Variants in DPP6 observed in about 807,000 individuals in gnomAD.
DPP6 encodes dipeptidyl peptidase like 6, also known as A-type potassium channel modulatory protein DPP6.
DPP6 carries 69 observed loss-of-function variants against 122.6 expected under a neutral mutation model. The ratio of observed to expected loss-of-function variants is 0.56; its 90% confidence interval spans 0.46 to 0.69. The LOEUF (loss-of-function observed/expected upper bound fraction) is 0.69. Among genes scored for constraint, DPP6 ranks in the 30% least tolerant of loss-of-function variants. The pLI, the probability that DPP6 is intolerant of heterozygous loss-of-function variation, is 0.00. For synonymous variants in DPP6, 418 were observed against 433.1 expected (o/e 0.97, Z 0.43); for missense variants, 928 against 1,116.9 (o/e 0.83, Z 2.41).
At position 154,552,586 on chromosome 7, in the gene DPP6, A is replaced by G. The variant is rs186604703; in HGVS notation, c.552+11960A>G. On this transcript the variant is annotated intron_variant, in intron 4 of 25. Transcript: ENST00000377770. ...CTGGATGGTCCATGGAGGTCACTCC[A>G]AAGCCTACTGGCTACACCATAATGT... 4.7e-4 allele frequency among the ~76,000 whole-genome samples: 71 copies of G among 152,342 alleles called. 1 individual carries two copies. In the East Asian group the frequency reaches 0.011, roughly 24 times the overall value.
intron 16 of DPP6, among the ~76,000 whole-genome samples, chr7:154,845,728 GTGGTT>G (rs1801893409): frequency 1.3e-5 from 2 of 152,206 alleles, no homozygotes; most frequent in Admixed American, 6.5e-5. Context: ...ACCCATTAGA[GTGGTT>G]TTAAAAACTT....
intron 1 of DPP6, among the ~76,000 whole-genome samples, chr7:153,956,328 T>A (rs932428359): frequency 6.6e-6 from 1 of 150,832 alleles, no homozygotes; most frequent in African/African-American, 2.4e-5. Flanking sequence ...ACATGGAGGA[T>A]GGACAGTAGT....
chr7:154,516,419 G>T (rs543912266), intron 3 of DPP6, among the ~76,000 whole-genome samples: 1 of 152,306 alleles, frequency 6.6e-6, no homozygotes, highest in East Asian at 1.9e-4. Flanking sequence ...TGAGAGCTGA[G>T]CCCCAGGGGA....
intron 1 of DPP6, among the ~76,000 whole-genome samples, chr7:154,248,134 G>A (rs762595392): frequency 7.9e-5 from 12 of 152,110 alleles, no homozygotes; most frequent in Non-Finnish European, 1.0e-4. Flanking sequence ...CCCTTTGTAA[G>A]TGCACTCATC....
intron 1 of DPP6, among the ~76,000 whole-genome samples, chr7:154,144,135 T>A (rs1377401265): frequency 6.6e-6 from 1 of 152,198 alleles, no homozygotes; most frequent in Non-Finnish European, 1.5e-5. Flanking sequence ...ATTTTTTGAT[T>A]ACTTACTAAG....
intron 1 of DPP6, among the ~76,000 whole-genome samples, chr7:153,992,791 T>G (rs1289484818): frequency 6.6e-6 from 1 of 152,190 alleles, no homozygotes; most frequent in East Asian, 1.9e-4. Context: ...CCAAAAAAGC[T>G]CTAAACGTTT....
chr7:154,440,016 A>C (rs1001204089), intron 1 of DPP6, among the ~76,000 whole-genome samples: 2 of 152,170 alleles, frequency 1.3e-5, no homozygotes, highest in Admixed American at 6.5e-5. Context: ...GAAGAGGGGC[A>C]CCCGCAGGTT....
chr7:154,201,200 T>C (rs1799156166), intron 1 of DPP6, among the ~76,000 whole-genome samples: 1 of 150,166 alleles, frequency 6.7e-6, no homozygotes, highest in African/African-American at 2.5e-5. Context: ...CGATCTCGGC[T>C]AACTGCAACC....
chr7:154,794,038 G>A (rs571602423), intron 10 of DPP6, 41 bp from the exon 11 acceptor site: 1 of 1,598,350 alleles, frequency 6.3e-7, no homozygotes, highest in South Asian at 1.1e-5. Context: ...TGTCGTGCGG[G>A]GGTCCTGCCA....
At position 153,923,618 on chromosome 7, in the gene DPP6, G is replaced by T. The variant is rs190444088; in HGVS notation, c.51+35884G>T. Among the ~76,000 whole-genome samples, 4 of 151,964 alleles carry T rather than the reference G, an allele frequency of 2.6e-5. No individual in the cohort carries two copies. In the East Asian group the frequency reaches 7.8e-4, roughly 30 times the overall value. ...CTACTAAAAATACAAAAAATTAGCCGGGCATGGTGGCGGGCACCTGTAGTC... is the reference window on the plus strand; with the variant it reads ...CTACTAAAAATACAAAAAATTAGCCTGGCATGGTGGCGGGCACCTGTAGTC... On this transcript the variant is annotated intron_variant, in intron 1 of 25. Coordinates refer to the DPP6 transcript ENST00000404039.
At chr7:154,867,819 G>T (rs1034350279) in intron 17 of DPP6, among the ~76,000 whole-genome samples, 176 bp from the exon 18 acceptor site, 1 of 152,170 alleles carries the variant, frequency 6.6e-6, no homozygotes, top group African/African-American at 2.4e-5. Context: ...GCTTTTGAGC[G>T]CATAACTTGA....
At chr7:154,759,008 A>T (rs1795336959) in intron 8 of DPP6, among the ~76,000 whole-genome samples, 1 of 152,188 alleles carries the variant, frequency 6.6e-6, no homozygotes, top group African/African-American at 2.4e-5. Context: ...ACTAGGGCAG[A>T]TCCCAATTTT....
rs6948929 is a variant in DPP6 at position 154,624,529 on chromosome 7, G to T, written c.628-13292G>T. 0.03 allele frequency among the ~76,000 whole-genome samples: 4,512 copies of T among 152,174 alleles called. 86 individuals carry two copies. Among genetic ancestry groups the T allele is most frequent in the Middle Eastern group, 0.065 (19 of 294 alleles). ...TATGCAGAGAAGAGAGTACTTAGGA[G>T]CACAGTGGGAGGGTGAGATGTCAGG... On this transcript the variant is annotated intron_variant, in intron 5 of 25. Transcript: ENST00000377770. The surrounding 1 kb of genome is among the most constrained non-coding windows in gnomAD (Gnocchi z 4.7).
intron 1 of DPP6, among the ~76,000 whole-genome samples, chr7:153,999,939 G>A (rs1211136557): frequency 2.0e-5 from 3 of 151,578 alleles, no homozygotes; most frequent in Non-Finnish European, 2.9e-5. Flanking sequence ...CAGCCTGGGT[G>A]ACAAAGTGAG....
chr7:153,885,200 C>T (rs960456197), upstream of DPP6, among the ~76,000 whole-genome samples: 7 of 151,664 alleles, frequency 4.6e-5, no homozygotes, highest in South Asian at 2.1e-4. Context: ...TGCTTACAAT[C>T]GGATTTAGAT....
chr7:154,472,893 C>T (rs1159878), intron 2 of DPP6, among the ~76,000 whole-genome samples: 128,231 of 152,210 alleles, frequency 0.84, 54,521 homozygotes, highest in African/African-American at 0.9. Context: ...TTTAAAAATA[C>T]CTTTAAAAAA....
chr7:154,718,562 C>T (rs1415509372), intron 7 of DPP6, among the ~76,000 whole-genome samples: 3 of 151,206 alleles, frequency 2.0e-5, no homozygotes, highest in Non-Finnish European at 4.4e-5. Flanking sequence ...CCCCCCCCAA[C>T]TTTAGTCACT....
At chr7:153,818,192 G>A in the DPP6 span, among the ~76,000 whole-genome samples, 2 of 151,898 alleles carry the variant, frequency 1.3e-5, no homozygotes, top group Non-Finnish European at 2.9e-5. Context: ...AACCAAGAAA[G>A]TGCATATTAA....
In DPP6 at chr7:154,294,627, T is replaced by C. The variant is rs1390075083; in HGVS notation, c.244-151587T>C. 2.0e-5 allele frequency among the ~76,000 whole-genome samples: 3 copies of C among 152,318 alleles called. No individual in the cohort carries two copies. In the East Asian group the frequency reaches 5.8e-4, roughly 29 times the overall value. On this transcript the variant is annotated intron_variant, in intron 1 of 25. Transcript: ENST00000377770. The stretch of plus-strand genomic sequence containing the variant: ...TCTCCTATGTAGGCATGAAAATCTT[T>C]CCTGACTCCAATCCTGTTGCTAAAC...
Sources: gnomAD v4.1 joint callset for allele counts (sites outside exome capture counted in the v4.1 genomes callset) on GRCh38, gnomAD v4.1.1 for gene constraint, Gnocchi (gnomAD v3.1) non-coding constraint, MANE v1.5 for transcripts, NCBI Gene and HGNC (gene_info 2026-07-23, HGNC 2026-07-21) for gene names.